Variants in NKAIN2 observed in about 807,000 individuals in gnomAD.
The protein encoded by NKAIN2 is sodium/potassium-transporting ATPase subunit beta-1-interacting protein 2.
NKAIN2 carries 14 observed loss-of-function variants against 32.6 expected under a neutral mutation model. The observed-to-expected ratio is 0.43, with a 90% CI of 0.28 to 0.67. NKAIN2 has a LOEUF of 0.67. NKAIN2 is among the 30% of genes least tolerant of loss of function. The pLI is 0.17. For synonymous variants in NKAIN2, 80 were observed against 87.2 expected (o/e 0.92, Z 0.46); for missense variants, 198 against 258.3 (o/e 0.77, Z 1.60).
chr6:124,320,502 C>T (rs908263097), intron 2 of NKAIN2, among the ~76,000 whole-genome samples: 1 of 152,152 alleles, frequency 6.6e-6, no homozygotes, highest in African/African-American at 2.4e-5. Context: ...AGCCTACTCC[C>T]TTTATCCCCC....
intron 4 of NKAIN2, among the ~76,000 whole-genome samples, chr6:124,735,738 T>G (rs1310392206): frequency 6.6e-6 from 1 of 151,924 alleles, no homozygotes; most frequent in African/African-American, 2.4e-5. Flanking sequence ...ATCAGTCATC[T>G]TTGATGTTTT....
chr6:124,759,202 A>G (rs1024258062), intron 4 of NKAIN2, among the ~76,000 whole-genome samples: 1 of 152,150 alleles, frequency 6.6e-6, no homozygotes, highest in African/African-American at 2.4e-5. Context: ...TCATCTATGT[A>G]ATCTTGTTTT....
chr6:124,100,611 A>G (rs922743084), intron 1 of NKAIN2, among the ~76,000 whole-genome samples: 1 of 152,238 alleles, frequency 6.6e-6, no homozygotes, highest in Non-Finnish European at 1.5e-5. Flanking sequence ...GAGGTTTTCT[A>G]TCATACATTT....
chr6:124,389,088 A>G (rs2114406257), intron 3 of NKAIN2, among the ~76,000 whole-genome samples: 1 of 152,262 alleles, frequency 6.6e-6, no homozygotes, highest in East Asian at 1.9e-4. Flanking sequence ...AAAATTATAT[A>G]TTGATGAATT....
intron 4 of NKAIN2, among the ~76,000 whole-genome samples, chr6:124,666,736 C>T (rs1346679277): frequency 2.6e-5 from 4 of 151,874 alleles, no homozygotes; most frequent in Admixed American, 6.6e-5. Flanking sequence ...AGTCAGATTA[C>T]GTTTAAGATT....
intron 4 of NKAIN2, among the ~76,000 whole-genome samples, chr6:124,761,658 C>T (rs996812545): frequency 6.6e-6 from 1 of 152,168 alleles, no homozygotes; most frequent in South Asian, 2.1e-4. Context: ...TTCCTTACTA[C>T]GTTTTCTTTG....
At chr6:124,353,639 C>G (rs977826869) in intron 2 of NKAIN2, among the ~76,000 whole-genome samples, 1 of 152,098 alleles carries the variant, frequency 6.6e-6, no homozygotes, top group African/African-American at 2.4e-5. Context: ...CCTGTAGTCC[C>G]AGCTACTGGG....
chr6:124,651,925 A>G (rs924673653), intron 3 of NKAIN2, among the ~76,000 whole-genome samples: 2 of 152,188 alleles, frequency 1.3e-5, no homozygotes, highest in African/African-American at 4.8e-5. Context: ...CTTTCCTAAA[A>G]AAGGTCTTTT....
At chr6:124,625,570 C>T (rs1174158485) in intron 3 of NKAIN2, among the ~76,000 whole-genome samples, 1 of 152,042 alleles carries the variant, frequency 6.6e-6, no homozygotes, top group African/African-American at 2.4e-5. Context: ...AGATAAAAAC[C>T]AGTGGTGCAG....
At chr6:123,898,500 A>C (rs1192720473) in intron 1 of NKAIN2, among the ~76,000 whole-genome samples, 1 of 151,844 alleles carries the variant, frequency 6.6e-6, no homozygotes, top group Non-Finnish European at 1.5e-5. Flanking sequence ...TTCATTAATC[A>C]ACATTGTTTG....
chr6:124,230,310 T>C (rs1792381802), intron 1 of NKAIN2, among the ~76,000 whole-genome samples: 1 of 152,174 alleles, frequency 6.6e-6, no homozygotes, highest in Non-Finnish European at 1.5e-5. Flanking sequence ...GTGACTTGGG[T>C]GCTGTTAAAG....
chr6:124,282,492 G>T (rs1795343408), intron 1 of NKAIN2, among the ~76,000 whole-genome samples: 1 of 152,138 alleles, frequency 6.6e-6, no homozygotes, highest in Non-Finnish European at 1.5e-5. Flanking sequence ...ACTTGCGTAG[G>T]CCACTGCGGC....
chr6:124,120,216 T>A (rs1785812378), intron 1 of NKAIN2, among the ~76,000 whole-genome samples: 1 of 152,204 alleles, frequency 6.6e-6, no homozygotes, highest in Non-Finnish European at 1.5e-5. Context: ...ATGCCCTATA[T>A]GTCATGACCA....
intron 1 of NKAIN2, among the ~76,000 whole-genome samples, chr6:124,158,934 G>A (rs916122859): frequency 7.2e-5 from 11 of 152,232 alleles, no homozygotes; most frequent in South Asian, 2.1e-4. Context: ...GCCGTGCCAC[G>A]TAATGTTAGA....
At chr6:124,341,157 A>G (rs1798097815) in intron 2 of NKAIN2, among the ~76,000 whole-genome samples, 1 of 152,170 alleles carries the variant, frequency 6.6e-6, no homozygotes, top group South Asian at 2.1e-4. Flanking sequence ...TACTAAACTA[A>G]ACCGTTTTTT....
rs959653015 is a variant in NKAIN2 at position 124,107,735 on chromosome 6, A to G, written c.55-175270A>G. On this transcript the variant is annotated intron_variant, in intron 1 of 6. Transcript: ENST00000368417. ...TTCAGCCTCCAGCAACCACCATTCT[A>G]CCCTCTGCTTCTAGGAGTTTTACTA... Among the ~76,000 whole-genome samples, 5 of 151,858 alleles carry G rather than the reference A, an allele frequency of 3.3e-5. No homozygotes were observed. In the South Asian group the frequency reaches 1.0e-3, roughly 32 times the overall value.
At chr6:124,355,230 A>G (rs368831438) in intron 2 of NKAIN2, 37 bp from the exon 3 acceptor site, 30 of 1,363,996 alleles carry the variant, frequency 2.2e-5, no homozygotes, top group Non-Finnish European at 2.8e-5. Context: ...CTGATTCCAA[A>G]TTAATTATAC....
At chr6:124,713,067 A>AAAC in intron 4 of NKAIN2, among the ~76,000 whole-genome samples, 1 of 152,156 alleles carries the variant, frequency 6.6e-6, no homozygotes, top group South Asian at 2.1e-4. Flanking sequence ...TAAACATTTA[A>AAAC]AATAATAATA....
At chr6:124,692,299 T>A (rs1486458347) in intron 4 of NKAIN2, among the ~76,000 whole-genome samples, 1 of 152,150 alleles carries the variant, frequency 6.6e-6, no homozygotes, top group Non-Finnish European at 1.5e-5. Flanking sequence ...TCTTCATAAA[T>A]TTGCATCAGA....
Sources: gnomAD v4.1 joint callset for allele counts (sites outside exome capture counted in the v4.1 genomes callset) on GRCh38, gnomAD v4.1.1 for gene constraint, MANE v1.5 for transcripts, NCBI Gene and HGNC (gene_info 2026-07-23, HGNC 2026-07-21) for gene names.